Variants in PRP4K observed in about 807,000 individuals in gnomAD.
PRP4K encodes serine/threonine-protein kinase PRP4 homolog.
chr6:4,030,827 G>T, the PRP4K span, among the ~76,000 whole-genome samples: 4 of 152,136 alleles, frequency 2.6e-5, no homozygotes, highest in Non-Finnish European at 5.9e-5. Context: ...GCCTAATGTC[G>T]TATGATTGCT....
At chr6:4,050,778 T>C in the PRP4K span, among the ~76,000 whole-genome samples, 1 of 152,230 alleles carries the variant, frequency 6.6e-6, no homozygotes, top group East Asian at 1.9e-4. Context: ...CCCCAACTTC[T>C]GTATTTAGCT....
At chr6:4,058,622 A>G in the PRP4K span, 6 of 867,526 alleles carry the variant, frequency 6.9e-6, no homozygotes, top group South Asian at 7.7e-5. Flanking sequence ...AAACAAACCT[A>G]CAGAGACTAA....
the PRP4K span, chr6:4,049,063 T>C: frequency 6.2e-7 from 1 of 1,612,844 alleles, no homozygotes; most frequent in African/African-American, 1.3e-5. Flanking sequence ...TCAAAGAGAA[T>C]CCCAACCTCA....
chr6:4,044,152 G>A, the PRP4K span: 1 of 746,528 alleles, frequency 1.3e-6, no homozygotes. Context: ...GCTGAATATT[G>A]CAGTAATATA....
At chr6:4,027,608 T>TGGGG in the PRP4K span, among the ~76,000 whole-genome samples, 3 of 30,938 alleles carry the variant, frequency 9.7e-5, no homozygotes, top group Non-Finnish European at 1.8e-4. Context: ...GGTGGGGGGG[T>TGGGG]GGGGTGGGGG....
At chr6:4,049,218 C>A in the PRP4K span, 1 of 997,690 alleles carries the variant, frequency 1.0e-6, no homozygotes, top group Non-Finnish European at 1.5e-6. Context: ...CATCACAGTG[C>A]CATCTTTAAA....
At chr6:4,040,960 T>G in the PRP4K span, 4 of 1,575,808 alleles carry the variant, frequency 2.5e-6, no homozygotes, top group South Asian at 4.6e-5. Context: ...ACTTTGTTTT[T>G]CCAGTTTAGA....
chr6:4,031,915 TG>T, the PRP4K span: 1 of 1,613,980 alleles, frequency 6.2e-7, no homozygotes. Context: ...CAGTCTGGTA[TG>T]GGGCTCATTT....
chr6:4,021,945 C>G, the PRP4K span, among the ~76,000 whole-genome samples: 4 of 152,270 alleles, frequency 2.6e-5, no homozygotes, highest in African/African-American at 9.6e-5. Flanking sequence ...GACCTGAAAG[C>G]AGAGAGCGGA....
the PRP4K span, chr6:4,047,277 CAAAA>C: frequency 1.3e-6 from 2 of 1,492,196 alleles, no homozygotes; most frequent in Non-Finnish European, 1.8e-6. Context: ...AGTGTTAAAA[CAAAA>C]AAAAATAACA....
At chr6:4,050,890 T>C in the PRP4K span, among the ~76,000 whole-genome samples, 2 of 151,984 alleles carry the variant, frequency 1.3e-5, no homozygotes, top group African/African-American at 4.8e-5. Flanking sequence ...GTTCTGTTTT[T>C]TTGTTGTTGT....
chr6:4,060,848 AT>A, the PRP4K span: 3 of 527,344 alleles, frequency 5.7e-6, no homozygotes, highest in Non-Finnish European at 6.7e-6. The surrounding 1 kb of genome is among the most constrained non-coding windows in gnomAD (Gnocchi z 4.7). Flanking sequence ...ACTGCACAAA[AT>A]TACAGTGCTA....
chr6:4,052,482 A>G, the PRP4K span, among the ~76,000 whole-genome samples: 1 of 152,218 alleles, frequency 6.6e-6, no homozygotes, highest in South Asian at 2.1e-4. Flanking sequence ...TACCTTGCAT[A>G]TCTTTCTTCT....
chr6:4,060,733 A>G, the PRP4K span: 1 of 904,608 alleles, frequency 1.1e-6, no homozygotes, highest in Non-Finnish European at 1.7e-6. This position sits in a 1 kb window ranked among gnomAD's most constrained non-coding sequence, Gnocchi z 4.7. Context: ...AGGAAGCATG[A>G]TATATTTGAA....
At chr6:4,035,200 T>G in the PRP4K span, among the ~76,000 whole-genome samples, 5 of 150,200 alleles carry the variant, frequency 3.3e-5, no homozygotes, top group Admixed American at 3.3e-4. Flanking sequence ...CACTGCAACC[T>G]CTGCCTCCTG....
chr6:4,053,573 A>G, the PRP4K span, among the ~76,000 whole-genome samples: 341 of 152,238 alleles, frequency 2.2e-3, 1 homozygote, highest in African/African-American at 7.7e-3. Flanking sequence ...AGATTTCACA[A>G]TGTATATGTT....
chr6:4,040,774 A>G, the PRP4K span: 8 of 1,613,094 alleles, frequency 5.0e-6, no homozygotes, highest in Non-Finnish European at 5.9e-6. Flanking sequence ...TTAAATAGGG[A>G]CAGAGGTCGG....
At chr6:4,026,367 A>G in the PRP4K span, among the ~76,000 whole-genome samples, 1 of 144,072 alleles carries the variant, frequency 6.9e-6, no homozygotes, top group Non-Finnish European at 1.5e-5. Context: ...CAATGGCGCA[A>G]TCTTGGGTCA....
the PRP4K span, among the ~76,000 whole-genome samples, chr6:4,029,976 T>C: frequency 6.6e-6 from 1 of 151,104 alleles, no homozygotes; most frequent in African/African-American, 2.4e-5. Context: ...TGCGTCACAC[T>C]GTGTCACCCA....
Sources: gnomAD v4.1 joint callset for allele counts (sites outside exome capture counted in the v4.1 genomes callset) on GRCh38, gnomAD v4.1.1 for gene constraint, Gnocchi (gnomAD v3.1) non-coding constraint, MANE v1.5 for transcripts, NCBI Gene and HGNC (gene_info 2026-07-23, HGNC 2026-07-21) for gene names.